Variants in NRXN1 observed in about 807,000 individuals in gnomAD.
NRXN1 encodes the protein neurexin-1.
A neutral mutation model predicts 150.9 loss-of-function variants in NRXN1; 39 were observed. The observed-to-expected ratio is 0.26, with a 90% confidence interval of 0.20 to 0.34. NRXN1 has a LOEUF of 0.34. NRXN1 is among the 10% of genes least tolerant of loss of function. The pLI is 1.00. For missense variants in NRXN1, 1,815 were observed against 1,949.9 expected (o/e 0.93, Z 1.30); for synonymous variants, 924 against 757.0 (o/e 1.22, Z -3.62).
At chr2:50,078,160 A>C (rs1222219394) in intron 19 of NRXN1, among the ~76,000 whole-genome samples, 1 of 152,080 alleles carries the variant, frequency 6.6e-6, no homozygotes, top group African/African-American at 2.4e-5. Flanking sequence ...ATTAAGTTAC[A>C]CCTTTGGATT....
intron 8 of NRXN1, among the ~76,000 whole-genome samples, chr2:50,607,483 AAG>A (rs1304911317): frequency 6.6e-6 from 1 of 152,210 alleles, no homozygotes; most frequent in Non-Finnish European, 1.5e-5. Flanking sequence ...ATATCCAAGG[AAG>A]AGTTTACTTT....
Position 50,229,695 on chromosome 2 carries a change from T to A in NRXN1, c.3546+7094A>T, listed in dbSNP as rs145914774. Among the ~76,000 whole-genome samples, 56 of 152,238 alleles carry A rather than the reference T, an allele frequency of 3.7e-4. 1 individual carries two copies. The highest frequency in any genetic ancestry group is 1.3e-3 in the African/African-American group (55 of 41,566). On this transcript the variant is annotated intron_variant, in intron 18 of 22. Transcript: ENST00000401669. Reference sequence around the variant, plus strand: ...GTAAGATTATAAATGTTTGCTCTTTTAAGCTTCTAAATTATGGAAAAATTG... The same window carrying A: ...GTAAGATTATAAATGTTTGCTCTTTAAAGCTTCTAAATTATGGAAAAATTG...
rs147032194 is a variant in NRXN1 at position 50,983,803 on chromosome 2, A to G, written c.772+43699T>C. The stretch of plus-strand genomic sequence containing the variant: ...GTAAACAAATTTCATAGTGACTTTC[A>G]CCTTCTTCAAGATACTTACTAGGAA... On this transcript the variant is annotated intron_variant, in intron 2 of 22. Coordinates refer to ENST00000401669, the MANE Select transcript of NRXN1 (RefSeq NM_001330078.2). 3.4e-3 allele frequency among the ~76,000 whole-genome samples: 523 copies of G among 152,188 alleles called. 3 individuals carry two copies. The highest frequency in any genetic ancestry group is 0.012 in the African/African-American group (482 of 41,556).
At chr2:50,128,658 A>G (rs1704971988) in intron 18 of NRXN1, among the ~76,000 whole-genome samples, 1 of 152,150 alleles carries the variant, frequency 6.6e-6, no homozygotes, top group African/African-American at 2.4e-5. Flanking sequence ...TTGTTTAAAT[A>G]TAAGTCTTAA....
chr2:50,719,366 C>A (rs1489425587), intron 5 of NRXN1, among the ~76,000 whole-genome samples: 1 of 151,622 alleles, frequency 6.6e-6, no homozygotes, highest in Non-Finnish European at 1.5e-5. Flanking sequence ...AAATAAATAT[C>A]TTATTTAAAA....
chr2:50,547,350 C>T (rs1277616672), intron 9 of NRXN1: 4 of 151,954 alleles, frequency 2.6e-5, no homozygotes, highest in Admixed American at 6.6e-5. Context: ...TATAAAAATA[C>T]TTGAGAGGGT....
At chr2:50,108,456 A>C (rs914775229) in intron 18 of NRXN1, among the ~76,000 whole-genome samples, 1 of 152,074 alleles carries the variant, frequency 6.6e-6, no homozygotes, top group African/African-American at 2.4e-5. Context: ...TCACTGTGTT[A>C]ACCTAAGGAC....
At chr2:50,401,297 T>C (rs542097724) in intron 17 of NRXN1, among the ~76,000 whole-genome samples, 2 of 152,270 alleles carry the variant, frequency 1.3e-5, no homozygotes, top group South Asian at 2.1e-4. Context: ...TTAATGTATA[T>C]GTGTGAATCA....
intron 18 of NRXN1, among the ~76,000 whole-genome samples, chr2:50,171,702 G>A (rs528841020): frequency 6.6e-6 from 1 of 152,242 alleles, no homozygotes; most frequent in African/African-American, 2.4e-5. Flanking sequence ...TTCTTTATTA[G>A]AAGAATGTTA....
intron 18 of NRXN1, among the ~76,000 whole-genome samples, chr2:50,184,475 CA>C (rs1436544655): frequency 6.6e-6 from 1 of 151,876 alleles, no homozygotes; most frequent in Non-Finnish European, 1.5e-5. Flanking sequence ...AATAAAAGAA[CA>C]GAATGAGACA....
At chr2:50,022,264 G>A (rs945770112) in intron 21 of NRXN1, among the ~76,000 whole-genome samples, 5 of 152,236 alleles carry the variant, frequency 3.3e-5, no homozygotes, top group Admixed American at 3.3e-4. Context: ...TTACAGGCAT[G>A]AGCCACTGCG....
chr2:50,521,404 A>G (rs1256891938), intron 12 of NRXN1, among the ~76,000 whole-genome samples: 1 of 152,214 alleles, frequency 6.6e-6, no homozygotes, highest in Non-Finnish European at 1.5e-5. Context: ...AGAACAAGTA[A>G]TAATAAACAA....
At chr2:50,985,900 T>C (rs1048606094) in intron 2 of NRXN1, among the ~76,000 whole-genome samples, 7 of 151,824 alleles carry the variant, frequency 4.6e-5, no homozygotes, top group South Asian at 2.1e-4. Context: ...AAAATGTCAA[T>C]AGCTAGATTA....
rs1212676283 is a variant in NRXN1 at position 50,922,528 on chromosome 2, A to T, written c.820+130T>A. 4.5e-6 allele frequency: 4 copies of T among 898,290 alleles called. No homozygotes were observed. The East Asian group carries it at 1.1e-4, about 24-fold the overall frequency. The allele number at this position is 898,290 out of a possible 1,614,324, so 55.6% of individuals were successfully genotyped here. On this transcript the variant is annotated intron_variant, in intron 4 of 22. Transcript: ENST00000401669. ...GAAAAACACATGAAAAAATGTGAACAAAAGATATGTATTTAATTTGCAGCC... is the reference window on the plus strand; with the variant it reads ...GAAAAACACATGAAAAAATGTGAACTAAAGATATGTATTTAATTTGCAGCC...
intron 18 of NRXN1, among the ~76,000 whole-genome samples, chr2:50,219,231 T>G (rs546941130): frequency 6.6e-6 from 1 of 152,160 alleles, no homozygotes; most frequent in Admixed American, 6.6e-5. Context: ...AAGATGATAA[T>G]TTGTTCTGTG....
chr2:50,871,788 AGCAGAGAT>A (rs2106101344), intron 5 of NRXN1, among the ~76,000 whole-genome samples: 1 of 151,988 alleles, frequency 6.6e-6, no homozygotes, highest in African/African-American at 2.4e-5. Context: ...ACTTAGTTTA[AGCAGAGAT>A]GTCACATTCA....
In NRXN1 at chr2:50,718,784, T is replaced by C. The variant is rs1696209715; in HGVS notation, c.833-95169A>G. 3.9e-5 allele frequency among the ~76,000 whole-genome samples: 6 copies of C among 152,114 alleles called. No homozygotes were observed. In the South Asian group the frequency reaches 8.3e-4, roughly 21 times the overall value. On this transcript the variant is annotated intron_variant, in intron 5 of 22. Transcript: ENST00000401669. ...TCATACTTGAGAGAACTATGGAAAA[T>C]AGCACAGTAACTCAACAGAGCCATT...
intron 18 of NRXN1, among the ~76,000 whole-genome samples, chr2:50,194,801 C>G (rs17040138): frequency 0.2 from 30,155 of 152,086 alleles, 3,474 homozygotes; most frequent in East Asian, 0.4. Flanking sequence ...AAGGAACATG[C>G]ATGAACTGGT....
At chr2:50,629,158 A>G (rs1681766217) in intron 5 of NRXN1, among the ~76,000 whole-genome samples, 2 of 151,842 alleles carry the variant, frequency 1.3e-5, no homozygotes, top group Non-Finnish European at 1.5e-5. Flanking sequence ...TCATCAGAAT[A>G]GCATACTAGA....
Sources: gnomAD v4.1 joint callset for allele counts (sites outside exome capture counted in the v4.1 genomes callset) on GRCh38, gnomAD v4.1.1 for gene constraint, MANE v1.5 for transcripts, NCBI Gene and HGNC (gene_info 2026-07-23, HGNC 2026-07-21) for gene names.